Variants in MGAT4C observed in about 807,000 individuals in gnomAD.
MGAT4C encodes alpha-1,3-mannosyl-glycoprotein 4-beta-N-acetylglucosaminyltransferase C.
In MGAT4C, 19 loss-of-function variants were observed where a neutral mutation model predicts 40.1. The ratio of observed to expected loss-of-function variants is 0.47; its 90% confidence interval spans 0.33 to 0.70. The LOEUF is 0.70. Among genes scored for constraint, MGAT4C ranks in the 30% least tolerant of loss-of-function variants. MGAT4C has a pLI of 0.02. For synonymous variants in MGAT4C, 181 were observed against 187.1 expected, an observed-to-expected ratio of 0.97 and a Z score of 0.27; for missense variants, 491 against 563.2, an observed-to-expected ratio of 0.87 and a Z score of 1.30.
intron 1 of MGAT4C, among the ~76,000 whole-genome samples, chr12:86,147,273 G>T (rs559945530): frequency 6.6e-6 from 1 of 151,458 alleles, no homozygotes; most frequent in Non-Finnish European, 1.5e-5. Context: ...ACGTAGTCTC[G>T]CTCTGTCGCC....
intron 1 of MGAT4C, among the ~76,000 whole-genome samples, chr12:86,249,005 ATTG>A (rs1362708189): frequency 6.6e-6 from 1 of 152,150 alleles, no homozygotes; most frequent in East Asian, 1.9e-4. Context: ...CACAATGCTT[ATTG>A]TTTTCTTTTA....
chr12:86,160,634 T>C (rs925066317), intron 1 of MGAT4C, among the ~76,000 whole-genome samples: 1 of 151,996 alleles, frequency 6.6e-6, no homozygotes, highest in Non-Finnish European at 1.5e-5. Flanking sequence ...TCCTTGTTAG[T>C]TTTCTGTCTC....
intron 3 of MGAT4C, among the ~76,000 whole-genome samples, chr12:86,415,986 AAGAG>A (rs1454283991): frequency 6.6e-6 from 1 of 152,066 alleles, no homozygotes; most frequent in African/African-American, 2.4e-5. Context: ...TTAGCCTAGA[AAGAG>A]AATGTCATGA....
intron 2 of MGAT4C, among the ~76,000 whole-genome samples, chr12:86,519,520 A>T (rs1958755347): frequency 6.6e-6 from 1 of 151,978 alleles, no homozygotes. Context: ...ATTCCTACCA[A>T]CCGTGTATGA....
At chr12:85,983,280 C>T (rs1884825583) in intron 4 of MGAT4C, among the ~76,000 whole-genome samples, 1 of 152,030 alleles carries the variant, frequency 6.6e-6, no homozygotes, top group Non-Finnish European at 1.5e-5. Flanking sequence ...CTATACCATC[C>T]TACAACAAAA....
At chr12:86,817,884 T>TAA (rs1444649862) in intron 1 of MGAT4C, among the ~76,000 whole-genome samples, 1 of 151,426 alleles carries the variant, frequency 6.6e-6, no homozygotes, top group Non-Finnish European at 1.5e-5. Context: ...GTGGGCCTTT[T>TAA]AAACTGCCTA....
intron 1 of MGAT4C, among the ~76,000 whole-genome samples, chr12:86,754,216 A>G (rs1951266142): frequency 6.6e-6 from 1 of 152,182 alleles, no homozygotes; most frequent in Non-Finnish European, 1.5e-5. Flanking sequence ...AAATAATTGT[A>G]TTGAATAAAA....
At chr12:86,252,008 C>T (rs529940329) in intron 1 of MGAT4C, among the ~76,000 whole-genome samples, 39 of 152,114 alleles carry the variant, frequency 2.6e-4, no homozygotes, top group African/African-American at 9.4e-4. Flanking sequence ...GGCCCAGTAC[C>T]TTTAGTGCTA....
At chr12:86,150,539 A>C (rs1884145543) in intron 1 of MGAT4C, among the ~76,000 whole-genome samples, 1 of 152,192 alleles carries the variant, frequency 6.6e-6, no homozygotes, top group African/African-American at 2.4e-5. Flanking sequence ...AAAATTATAA[A>C]ATTTGGAAAG....
chr12:86,411,321 G>A (rs1017263512), intron 3 of MGAT4C, among the ~76,000 whole-genome samples: 13 of 152,246 alleles, frequency 8.5e-5, no homozygotes, highest in African/African-American at 1.9e-4. Context: ...TTAAATAATC[G>A]TGACCAAAAT....
rs552909923 is a variant in MGAT4C, at chr12:86,056,075, G to A, written c.-56-6352C>T. ...CAACAAGTTAAAAAAAATTATTCCAGGCATTCTTCTGGATAATTTTAATGA... is the reference window on the plus strand; with the variant it reads ...CAACAAGTTAAAAAAAATTATTCCAAGCATTCTTCTGGATAATTTTAATGA... On this transcript the variant is annotated intron_variant, in intron 1 of 4. Transcript: ENST00000611864. Among the ~76,000 whole-genome samples, 19 of 152,074 alleles carry A rather than the reference G, an allele frequency of 1.2e-4. 1 individual carries two copies. The South Asian group carries it at 3.5e-3, about 28-fold the overall frequency.
chr12:86,757,604 A>G (rs1951327765), intron 1 of MGAT4C, among the ~76,000 whole-genome samples: 1 of 152,148 alleles, frequency 6.6e-6, no homozygotes. Context: ...TGTTTGTTCC[A>G]GGTGATACCT....
intron 2 of MGAT4C, among the ~76,000 whole-genome samples, chr12:86,700,977 T>C (rs1352466151): frequency 2.0e-5 from 3 of 152,040 alleles, no homozygotes; most frequent in African/African-American, 4.8e-5. Flanking sequence ...TTCCAAGAAA[T>C]ATAAATGCAA....
intron 1 of MGAT4C, among the ~76,000 whole-genome samples, chr12:86,194,763 T>A (rs1009039793): frequency 1.6e-4 from 25 of 152,082 alleles, no homozygotes; most frequent in Admixed American, 4.6e-4. Flanking sequence ...TGCGCCCAGC[T>A]GGAGCAAATC....
intron 1 of MGAT4C, among the ~76,000 whole-genome samples, chr12:86,787,536 G>A (rs1282200746): frequency 2.0e-5 from 3 of 151,674 alleles, no homozygotes; most frequent in African/African-American, 7.3e-5. Context: ...AACATCACTA[G>A]TCATCAGGTA....
chr12:86,628,980 C>T (rs993600168), intron 2 of MGAT4C, among the ~76,000 whole-genome samples: 3 of 151,170 alleles, frequency 2.0e-5, no homozygotes, highest in Admixed American at 1.3e-4. Context: ...GACCCATCAG[C>T]GCTATTAGTG....
rs544175491 is a variant in MGAT4C, at chr12:85,967,391, C to G, written c.*11898G>C. The G allele has an allele frequency of 6.6e-6, 1 of 152,178 alleles. No individual in the cohort carries two copies. Among genetic ancestry groups the G allele is most frequent in the Admixed American group, 6.5e-5 (1 of 15,270 alleles). 9.4% of individuals were successfully genotyped at this position (152,178 alleles called of 1,614,324 possible). A position where few individuals can be genotyped will look rare whatever the true frequency, so the allele number is the denominator to read the frequency against. ...GCTGTCAAATAATTATAAGAAATCT[C>G]TATACATTACGTTTTAAAATACATA... On this transcript the variant is annotated 3_prime_UTR_variant, in exon 5 of 5. Transcript: ENST00000611864.
intron 2 of MGAT4C, among the ~76,000 whole-genome samples, chr12:86,000,076 A>G (rs1360482565): frequency 6.6e-6 from 1 of 152,228 alleles, no homozygotes; most frequent in Non-Finnish European, 1.5e-5. Flanking sequence ...TGATCATTGT[A>G]CAATGTATAC....
chr12:86,185,647 A>G (rs1888677993), intron 1 of MGAT4C, among the ~76,000 whole-genome samples: 1 of 152,186 alleles, frequency 6.6e-6, no homozygotes, highest in Non-Finnish European at 1.5e-5. Context: ...TGACATCTTT[A>G]CTTTGACTTG....
Sources: allele counts gnomAD v4.1 joint callset (sites outside exome capture counted in the v4.1 genomes callset), GRCh38; gene constraint gnomAD v4.1.1; transcripts MANE v1.5; gene names NCBI Gene and HGNC (gene_info 2026-07-23, HGNC 2026-07-21).